GTF2E1: variants seen among roughly 807,000 people sequenced by gnomAD.
GTF2E1 encodes general transcription factor IIE subunit 1, also known as TFIIE alpha subunit.
In GTF2E1, 14 loss-of-function variants were observed where a neutral mutation model predicts 34.9. That is an observed-to-expected ratio of 0.40 (90% CI 0.27 to 0.63). The LOEUF (loss-of-function observed/expected upper bound fraction) is 0.63, where lower values mean the gene tolerates loss of function less well. GTF2E1 is among the 20% of genes least tolerant of loss of function. GTF2E1 has a pLI of 0.39. For missense variants in GTF2E1, 469 were observed against 557.7 expected, an observed-to-expected ratio of 0.84 and a Z score of 1.60; for synonymous variants, 188 against 192.9, an observed-to-expected ratio of 0.97 and a Z score of 0.21.
intron 2 of GTF2E1, among the ~76,000 whole-genome samples, chr3:120,762,062 T>A (rs1709269137): frequency 6.6e-6 from 1 of 152,208 alleles, no homozygotes; most frequent in Admixed American, 6.5e-5. Flanking sequence ...AGTGCTGGGA[T>A]TACAGGCATG....
At position 120,746,525 on chromosome 3, in the gene GTF2E1, G is replaced by T. The variant is rs189823489; in HGVS notation, c.-31+3731G>T. Among the ~76,000 whole-genome samples, 15 of 152,198 alleles carry T rather than the reference G, an allele frequency of 9.9e-5. No homozygotes were observed. The East Asian group carries it at 2.5e-3, about 25-fold the overall frequency. On this transcript the variant is annotated intron_variant, in intron 1 of 4. Transcript: ENST00000283875. ...AAAATTATCCTGTGGGCTGGGTGTG[G>T]TGGCTCACATCTGTAATCCCAGCAC... is the stretch of plus-strand genomic sequence containing the variant.
chr3:120,763,446 G>T (rs908751614), intron 2 of GTF2E1, among the ~76,000 whole-genome samples: 1 of 152,154 alleles, frequency 6.6e-6, no homozygotes, highest in Admixed American at 6.5e-5. Context: ...GGGGAAAACG[G>T]TGTCTAAATA....
At chr3:120,761,942 T>C (rs1374938061) in intron 2 of GTF2E1, among the ~76,000 whole-genome samples, 10 of 151,992 alleles carry the variant, frequency 6.6e-5, no homozygotes, top group African/African-American at 2.4e-4. Flanking sequence ...AGGTGCCCAC[T>C]ACCACGCCCG....
intron 2 of GTF2E1, among the ~76,000 whole-genome samples, chr3:120,752,631 C>T (rs1427963165): frequency 1.3e-5 from 2 of 152,152 alleles, no homozygotes; most frequent in African/African-American, 4.8e-5. Flanking sequence ...CTGAATGAAA[C>T]TAGTTGACTC....
intron 2 of GTF2E1, among the ~76,000 whole-genome samples, chr3:120,757,983 T>C (rs1315250976): frequency 6.6e-6 from 1 of 151,980 alleles, no homozygotes; most frequent in Non-Finnish European, 1.5e-5. Flanking sequence ...GCCAACAGGG[T>C]GAAACCCCAT....
intron 1 of GTF2E1, among the ~76,000 whole-genome samples, chr3:120,748,420 T>C (rs1454890993): frequency 2.0e-5 from 3 of 152,260 alleles, no homozygotes; most frequent in Admixed American, 1.3e-4. Context: ...CTTGAATTAA[T>C]TTTTGTAAAA....
intron 3 of GTF2E1, among the ~76,000 whole-genome samples, chr3:120,773,161 T>C (rs1462315520): frequency 6.6e-6 from 1 of 152,062 alleles, no homozygotes; most frequent in Admixed American, 6.6e-5. Flanking sequence ...AAAAAACCAT[T>C]AGGTTAGAAG....
At chr3:120,777,609 G>T (rs1181174656) in intron 4 of GTF2E1, among the ~76,000 whole-genome samples, 2 of 152,116 alleles carry the variant, frequency 1.3e-5, no homozygotes, top group East Asian at 1.9e-4. Flanking sequence ...GTGGAGTTTG[G>T]TAGTGATGGT....
rs374734366 is a variant in GTF2E1, at chr3:120,781,320, A to G, written c.1170A>G (p.Val390=). ...DEEEDDEFEE[V]ADDPIVMVAG... is the part of the protein sequence containing the mutation. ...AGGAAGATGACGAGTTTGAAGAAGT[A>G]GCAGATGACCCCATTGTCATGGTGG... Residue 390 remains valine (V), a synonymous_variant, in exon 5 of 5, where the codon GTA becomes GTG. Transcript: ENST00000283875. The G allele has an allele frequency of 6.2e-7, 1 of 1,614,064 alleles. No homozygotes were observed. Among genetic ancestry groups the G allele is most frequent in the Admixed American group, 1.7e-5 (1 of 60,010 alleles).
chr3:120,782,058 A>G lies in GTF2E1; in HGVS notation c.*588A>G, dbSNP rs1467895245. The G allele has an allele frequency of 6.5e-6, 1 of 153,144 alleles. No homozygotes were observed. Among genetic ancestry groups the G allele is most frequent in the Admixed American group, 6.5e-5 (1 of 15,432 alleles). The allele number at this position is 153,144 out of a possible 1,614,324, so 9.5% of individuals were successfully genotyped here. A position where few individuals can be genotyped will look rare whatever the true frequency, so the allele number is the denominator to read the frequency against. ...CTTCTGAAATGAGTGAGGGAAGTTC[A>G]TAAGGTAAATCCTTCCCATCCATCT... On this transcript the variant is annotated 3_prime_UTR_variant, in exon 5 of 5. Transcript: ENST00000283875.
rs777701804 is a variant in GTF2E1 at position 120,781,480 on chromosome 3, A to C, written c.*10A>C. On this transcript the variant is annotated 3_prime_UTR_variant, in exon 5 of 5. Coordinates refer to ENST00000283875, the MANE Select transcript of GTF2E1 (RefSeq NM_005513.3). Reference sequence around the variant, plus strand: ...GGACCTCTTTGAGTGAGCTTTCCCTAATTCTTTCTCCTTTCTCTAATGCTC... The same window carrying C: ...GGACCTCTTTGAGTGAGCTTTCCCTCATTCTTTCTCCTTTCTCTAATGCTC... 6.3e-7 allele frequency: 1 copy of C among 1,598,400 alleles called. No homozygotes were observed. The highest frequency in any genetic ancestry group is 8.6e-7 in the Non-Finnish European group (1 of 1,166,648).
rs569646983 is a variant in GTF2E1, at chr3:120,758,079, G to A, written c.448+7079G>A. ...GGAGGCTGAGGCACAAGGATTACTT[G>A]AACCTCGGAGGCAGAGGTTGCAGTG... On this transcript the variant is annotated intron_variant, in intron 2 of 4. Coordinates refer to ENST00000283875, the MANE Select transcript of GTF2E1 (RefSeq NM_005513.3). 3.5e-4 allele frequency among the ~76,000 whole-genome samples: 54 copies of A among 152,280 alleles called. No individual in the cohort carries two copies. The South Asian group carries it at 0.011, about 31-fold the overall frequency.
rs1267531333 is a variant in GTF2E1 at position 120,782,110 on chromosome 3, C to T, written c.*640C>T. The T allele has an allele frequency of 6.6e-6, 1 of 152,298 alleles. No individual in the cohort carries two copies. The highest frequency in any genetic ancestry group is 1.9e-4 in the East Asian group (1 of 5,180). 9.4% of individuals were successfully genotyped at this position (152,298 alleles called of 1,614,324 possible). A position where few individuals can be genotyped will look rare whatever the true frequency, so the allele number is the denominator to read the frequency against. ...TTTACTACAATAGGTTACAATAATT[C>T]ACTGATCACATCCATTTTATCTGTT... is the stretch of plus-strand genomic sequence containing the variant. On this transcript the variant is annotated 3_prime_UTR_variant, in exon 5 of 5. Transcript: ENST00000283875.
At chr3:120,773,478 G>T (rs1390984069) in intron 3 of GTF2E1, among the ~76,000 whole-genome samples, 1 of 152,052 alleles carries the variant, frequency 6.6e-6, no homozygotes, top group African/African-American at 2.4e-5. Context: ...TCAGAAACTA[G>T]GGGCTACCTC....
chr3:120,774,499 A>T (rs976195972), intron 3 of GTF2E1, among the ~76,000 whole-genome samples: 2 of 152,144 alleles, frequency 1.3e-5, no homozygotes, highest in African/African-American at 4.8e-5. Context: ...GAAGATAGAG[A>T]ATGACTAGGG....
At chr3:120,768,808 A>G (rs1011235124) in intron 2 of GTF2E1, among the ~76,000 whole-genome samples, 12 of 152,198 alleles carry the variant, frequency 7.9e-5, no homozygotes, top group Non-Finnish European at 1.6e-4. Context: ...ATATAAGATA[A>G]CATTCTACCT....
intron 2 of GTF2E1, among the ~76,000 whole-genome samples, chr3:120,764,939 C>A (rs931280045): frequency 6.6e-6 from 1 of 151,002 alleles, no homozygotes; most frequent in African/African-American, 2.4e-5. Flanking sequence ...AAATTTTCTT[C>A]TGTGTTTAGC....
At chr3:120,759,721 T>A (rs1709241425) in intron 2 of GTF2E1, among the ~76,000 whole-genome samples, 2 of 152,230 alleles carry the variant, frequency 1.3e-5, no homozygotes, top group Non-Finnish European at 2.9e-5. Context: ...CTTGTTTTTG[T>A]CAGGTTTGTC....
At chr3:120,760,537 A>C (rs1054197172) in intron 2 of GTF2E1, among the ~76,000 whole-genome samples, 11 of 152,054 alleles carry the variant, frequency 7.2e-5, no homozygotes, top group East Asian at 1.9e-4. Flanking sequence ...CCAGTTTTTG[A>C]CCATTCAGTA....
Sources: allele counts gnomAD v4.1 joint callset (sites outside exome capture counted in the v4.1 genomes callset), GRCh38; gene constraint gnomAD v4.1.1; transcripts MANE v1.5; gene names NCBI Gene and HGNC (gene_info 2026-07-23, HGNC 2026-07-21).